The following BUD13 variants were observed in gnomAD, a reference collection of about 807,000 sequenced individuals.
BUD13 encodes BUD13 homolog.
A neutral mutation model predicts 62.5 loss-of-function variants in BUD13; 47 were observed. That is an observed-to-expected ratio of 0.75 (90% CI 0.60 to 0.96). The LOEUF (loss-of-function observed/expected upper bound fraction) is 0.96. BUD13 is among the 40% of genes least tolerant of loss of function. The pLI, the probability that BUD13 is intolerant of heterozygous loss-of-function variation, is 0.00. For synonymous variants in BUD13, 293 were observed against 280.1 expected (o/e 1.05, Z -0.46); for missense variants, 821 against 790.9 (o/e 1.04, Z -0.46).
In BUD13 at chr11:116,757,217, G is replaced by A; in HGVS notation, c.1695C>T (p.Arg565=). The A allele has an allele frequency of 1.2e-6, 2 of 1,614,064 alleles. No homozygotes were observed. The highest frequency in any genetic ancestry group is 1.7e-6 in the Non-Finnish European group (2 of 1,179,924). ...TGGGAGGAGGTGCTGGACCACTGTAGCGAGGTCTCACTAATGAGAGGAGTA... is the reference window on the plus strand; with the variant it reads ...TGGGAGGAGGTGCTGGACCACTGTAACGAGGTCTCACTAATGAGAGGAGTA... ...KENKNKKVRP[R]YSGPAPPPNR... is the part of the protein sequence containing the mutation. The change falls in exon 9 of 10, where the codon CGC becomes CGT. Residue 565 remains arginine (R), a synonymous_variant. Transcript: ENST00000260210.
intron 2 of BUD13, among the ~76,000 whole-genome samples, chr11:116,766,004 T>C (rs1002845117): frequency 1.2e-4 from 18 of 152,366 alleles, no homozygotes; most frequent in South Asian, 1.0e-3. Context: ...ATCTTCTCTA[T>C]AGTATTCCTA....
chr11:116,752,685 T>C (rs1188090735), intron 9 of BUD13, among the ~76,000 whole-genome samples: 1 of 152,234 alleles, frequency 6.6e-6, no homozygotes, highest in Non-Finnish European at 1.5e-5. Flanking sequence ...TACAGTGAAC[T>C]GCAAACGGAA....
In BUD13 at chr11:116,760,939, T is replaced by C; in HGVS notation, c.1050A>G (p.Lys350=). ...GAGAAGAAAGGTCTGAATCAGTTGC[T>C]TTCTGGCAGTCACCTGGATAGGAGC... The part of the protein sequence containing the change: ...KQLDSKGDCQ[K]ATDSDLSSPR... The change falls in exon 5 of 10, where the codon AAA becomes AAG. Residue 350 remains lysine (K), a synonymous_variant. Transcript: ENST00000260210. 2 of 1,614,152 alleles carry C rather than the reference T, an allele frequency of 1.2e-6. No homozygotes were observed. The highest frequency in any genetic ancestry group is 1.7e-6 in the Non-Finnish European group (2 of 1,180,002).
chr11:116,768,459 G>A (rs2134184842), intron 2 of BUD13, among the ~76,000 whole-genome samples: 1 of 152,176 alleles, frequency 6.6e-6, no homozygotes, highest in African/African-American at 2.4e-5. Context: ...AACCTGAAGA[G>A]ATATGCATCC....
At chr11:116,768,365 T>G (rs574395019) in intron 2 of BUD13, among the ~76,000 whole-genome samples, 1 of 151,942 alleles carries the variant, frequency 6.6e-6, no homozygotes, top group Non-Finnish European at 1.5e-5. Flanking sequence ...AGCAGAGGAG[T>G]AGACTCCAAA....
In BUD13 at chr11:116,760,895, G is replaced by A. The variant is rs891862436; in HGVS notation, c.1094C>T (p.Pro365Leu). ...DLSSPRHKQS[P>L]GHQDSDSDLS... ...ATCTGAATCAGAATCCTGGTGCCCT[G>A]GACTTTGTTTATGCCGTGGAGAAGA... The change falls in exon 5 of 10, where the codon CCA (proline) becomes CTA (leucine). Residue 365 changes from proline (P) to leucine (L), a missense_variant. Coordinates refer to ENST00000260210, the MANE Select transcript of BUD13 (RefSeq NM_032725.4). The A allele has an allele frequency of 6.2e-7, 1 of 1,614,054 alleles. No individual in the cohort carries two copies. Among genetic ancestry groups the A allele is most frequent in the Admixed American group, 1.7e-5 (1 of 60,018 alleles).
At chr11:116,760,396 C>T (rs1940408309) in intron 5 of BUD13, among the ~76,000 whole-genome samples, 2 of 152,234 alleles carry the variant, frequency 1.3e-5, no homozygotes, top group Admixed American at 1.3e-4. Context: ...ATCCGTTTGA[C>T]ACAATGCTTG....
chr11:116,757,740 C>T, intron 8 of BUD13, 26 bp downstream of exon 8: 1 of 1,597,558 alleles, frequency 6.3e-7, no homozygotes, highest in Non-Finnish European at 8.5e-7. Context: ...AAGTCACCTC[C>T]AGCTGATGAT....
chr11:116,761,039 T>A, intron 4 of BUD13, 87 bp from the exon 5 acceptor site: 1 of 1,089,826 alleles, frequency 9.2e-7, no homozygotes, highest in Non-Finnish European at 1.3e-6. Flanking sequence ...GAGAAGAACC[T>A]AGAAATTAAA....
rs116345308 is a variant in BUD13 at position 116,750,840 on chromosome 11, A to G, written c.1767-2265T>C. Reference sequence around the variant, plus strand: ...AGATAGGCTTCCAGGGCCTTCTGTGATCACGGTCTGCCAACCTCTCTCATC... The same window carrying G: ...AGATAGGCTTCCAGGGCCTTCTGTGGTCACGGTCTGCCAACCTCTCTCATC... On this transcript the variant is annotated intron_variant, in intron 9 of 9. Coordinates refer to ENST00000260210, the MANE Select transcript of BUD13 (RefSeq NM_032725.4). Among the ~76,000 whole-genome samples, 410 of 152,262 alleles carry G rather than the reference A, an allele frequency of 2.7e-3. 4 individuals are homozygous for G. Among genetic ancestry groups the G allele is most frequent in the African/African-American group, 8.8e-3 (366 of 41,538 alleles).
At chr11:116,755,934 C>T (rs1940314854) in intron 9 of BUD13, among the ~76,000 whole-genome samples, 1 of 152,090 alleles carries the variant, frequency 6.6e-6, no homozygotes, top group East Asian at 1.9e-4. Flanking sequence ...GTAGGCCAGG[C>T]ACGGTGGCTC....
rs188505227 is a variant in BUD13 at position 116,760,562 on chromosome 11, G to T, written c.1254+173C>A. The T allele has an allele frequency of 1.8e-4, 112 of 633,354 alleles. 1 individual carries two copies. In the Middle Eastern group the frequency reaches 2.2e-3, roughly 12 times the overall value. 39.2% of individuals were successfully genotyped at this position (633,354 alleles called of 1,614,324 possible). A position where few individuals can be genotyped will look rare whatever the true frequency, so the allele number is the denominator to read the frequency against. On this transcript the variant is annotated intron_variant, in intron 5 of 9. Transcript: ENST00000260210. ...GGTATCTGTAAGTCCATCTGGGATG[G>T]GTTATAGCCAGTTTGCCTTCAGAAG...
intron 2 of BUD13, among the ~76,000 whole-genome samples, chr11:116,766,303 T>C (rs564256486): frequency 6.6e-6 from 1 of 152,358 alleles, no homozygotes; most frequent in East Asian, 1.9e-4. Context: ...ACAATAATCC[T>C]GTAAAGAAAG....
intron 4 of BUD13, among the ~76,000 whole-genome samples, chr11:116,762,049 T>C (rs958783150): frequency 6.6e-6 from 1 of 152,194 alleles, no homozygotes; most frequent in Non-Finnish European, 1.5e-5. Context: ...CATTCATTAT[T>C]AGGAAAATGG....
chr11:116,758,173 C>T, intron 7 of BUD13, 96 bp downstream of exon 7: 1 of 1,545,612 alleles, frequency 6.5e-7, no homozygotes, highest in Non-Finnish European at 8.8e-7. Flanking sequence ...GATAACAGCT[C>T]TGAAGGCATA....
chr11:116,764,465 G>A (rs936104269), intron 3 of BUD13, among the ~76,000 whole-genome samples: 2 of 152,156 alleles, frequency 1.3e-5, no homozygotes, highest in South Asian at 2.1e-4. Context: ...TGGGATGGGG[G>A]AGTGAAAGCA....
rs369040313 is a variant in BUD13, at chr11:116,762,631, A to G, written c.958T>C (p.Tyr320His). The change falls in exon 4 of 10, where the codon TAT (tyrosine) becomes CAT (histidine). Residue 320 changes from tyrosine (Y) to histidine (H), a missense_variant. Transcript: ENST00000260210. ...CGTGGAGGAGAGATGTCAGGGTCAT[A>G]CTCATATTTGCTGTTCTTTGGGAAT... ...LSFPKNSKYEYDPDISPPRKK... is the reference protein window; with the variant it reads ...LSFPKNSKYEHDPDISPPRKK... 5.6e-6 allele frequency: 9 copies of G among 1,614,094 alleles called. No individual in the cohort carries two copies. The highest frequency in any genetic ancestry group is 7.6e-6 in the Non-Finnish European group (9 of 1,180,012).
intron 2 of BUD13, among the ~76,000 whole-genome samples, chr11:116,766,509 C>A (rs1450464158): frequency 6.6e-6 from 1 of 152,232 alleles, no homozygotes; most frequent in Non-Finnish European, 1.5e-5. Context: ...AGGTTTCGGG[C>A]AAGATGAATT....
chr11:116,770,112 G>A lies in BUD13; in HGVS notation c.237+17C>T. 1.3e-6 allele frequency: 2 copies of A among 1,554,980 alleles called. No individual in the cohort carries two copies. The highest frequency in any genetic ancestry group is 1.9e-5 in the Admixed American group (1 of 53,056). On this transcript the variant is annotated intron_variant, in intron 2 of 9. Transcript: ENST00000260210. ...CTTGCTTCATTTCAAAATCCTGACA[G>A]CCCCAAAGATACATACCACAGGCAA...
Sources: allele counts gnomAD v4.1 joint callset (sites outside exome capture counted in the v4.1 genomes callset), GRCh38; gene constraint gnomAD v4.1.1; transcripts MANE v1.5; gene names NCBI Gene and HGNC (gene_info 2026-07-23, HGNC 2026-07-21).